KCTD8: variants seen among roughly 807,000 people sequenced by gnomAD.
KCTD8 encodes potassium channel tetramerization domain containing 8, also known as BTB/POZ domain-containing protein KCTD8.
Under a neutral mutation model 31.5 loss-of-function variants are expected in KCTD8, and 27 were observed. That is an observed-to-expected ratio of 0.86 (90% CI 0.63 to 1.18). The LOEUF (loss-of-function observed/expected upper bound fraction) is 1.18. Ranked by LOEUF, KCTD8 falls within the 50% of genes most tolerant of loss-of-function variation. The pLI is 0.00. For missense variants in KCTD8, 658 were observed against 647.7 expected (o/e 1.02, Z -0.17); for synonymous variants, 290 against 280.0 (o/e 1.04, Z -0.36).
chr4:44,377,463 T>TG (rs1294219672), intron 1 of KCTD8, among the ~76,000 whole-genome samples: 1 of 152,134 alleles, frequency 6.6e-6, no homozygotes, highest in African/African-American at 2.4e-5. Flanking sequence ...AGGCCATTTC[T>TG]GGGGGGTAGA....
At chr4:44,295,452 A>G (rs1472005184) in intron 1 of KCTD8, among the ~76,000 whole-genome samples, 1 of 152,134 alleles carries the variant, frequency 6.6e-6, no homozygotes, top group African/African-American at 2.4e-5. Context: ...AGGCTCTTTT[A>G]TCTTGTCCTT....
intron 1 of KCTD8, among the ~76,000 whole-genome samples, chr4:44,211,225 T>C (rs537502935): frequency 1.3e-5 from 2 of 152,326 alleles, no homozygotes; most frequent in South Asian, 4.1e-4. Context: ...CACCAACAAG[T>C]GTAAGAACTA....
intron 1 of KCTD8, among the ~76,000 whole-genome samples, chr4:44,183,501 A>G (rs1713489110): frequency 6.6e-6 from 1 of 152,204 alleles, no homozygotes; most frequent in Non-Finnish European, 1.5e-5. Context: ...AAACTCAGCA[A>G]AACAGGGCTT....
chr4:44,423,130 T>C (rs1180724665), intron 1 of KCTD8, among the ~76,000 whole-genome samples: 1 of 152,100 alleles, frequency 6.6e-6, no homozygotes, highest in Non-Finnish European at 1.5e-5. Flanking sequence ...GAGAATGTGC[T>C]ACTAGCATCT....
Position 44,448,647 on chromosome 4 carries a change from G to A in KCTD8, c.-124C>T. The A allele has an allele frequency of 9.3e-7, 1 of 1,080,222 alleles. No individual in the cohort carries two copies. Among genetic ancestry groups the A allele is most frequent in the Non-Finnish European group, 1.2e-6 (1 of 842,234 alleles). The allele number at this position is 1,080,222 out of a possible 1,614,324, so 66.9% of individuals were successfully genotyped here. On this transcript the variant is annotated 5_prime_UTR_variant, in exon 1 of 2. Coordinates refer to ENST00000360029, the MANE Select transcript of KCTD8 (RefSeq NM_198353.3). The surrounding 1 kb of genome is among the most constrained non-coding windows in gnomAD (Gnocchi z 4.1). ...CTCGGACTGGGCGGCGCGTTCCTCC[G>A]ACCGGGGCGGCCCCGCTCAGGGTTC...
At chr4:44,273,439 T>C (rs1346074362) in intron 1 of KCTD8, among the ~76,000 whole-genome samples, 1 of 151,908 alleles carries the variant, frequency 6.6e-6, no homozygotes, top group East Asian at 1.9e-4. Flanking sequence ...TCATAAAACC[T>C]TAATGAATTT....
At position 44,275,966 on chromosome 4, in the gene KCTD8, A is replaced by C. The variant is rs191295120; in HGVS notation, c.962-100716T>G. Among the ~76,000 whole-genome samples the C allele has an allele frequency of 2.4e-4, 36 of 152,162 alleles. 1 individual carries two copies. Among genetic ancestry groups the C allele is most frequent in the Admixed American group, 2.4e-3 (36 of 15,254 alleles). ...CAAATATTTAGTAAAGGTCTGTATT[A>C]AAATATAACTGAACTTGATTAAAAT... On this transcript the variant is annotated intron_variant, in intron 1 of 1. Transcript: ENST00000360029.
chr4:44,432,962 T>G (rs1379194231), intron 1 of KCTD8, among the ~76,000 whole-genome samples: 2 of 151,658 alleles, frequency 1.3e-5, no homozygotes, highest in African/African-American at 4.8e-5. Flanking sequence ...ACTTCTAATG[T>G]CTGACTGGCC....
At chr4:44,347,468 T>G (rs948571236) in intron 1 of KCTD8, among the ~76,000 whole-genome samples, 1 of 152,188 alleles carries the variant, frequency 6.6e-6, no homozygotes, top group African/African-American at 2.4e-5. Context: ...AGTGGGGACT[T>G]TCCAACCACC....
chr4:44,257,800 T>C (rs931459146), intron 1 of KCTD8, among the ~76,000 whole-genome samples: 2 of 152,122 alleles, frequency 1.3e-5, no homozygotes, highest in East Asian at 1.9e-4. Flanking sequence ...ATAAGGCCCC[T>C]GCCTTTCCTC....
At chr4:44,181,411 G>A (rs1713390384) in intron 1 of KCTD8, among the ~76,000 whole-genome samples, 1 of 152,178 alleles carries the variant, frequency 6.6e-6, no homozygotes, top group Non-Finnish European at 1.5e-5. Flanking sequence ...ACGCCTGACT[G>A]GTTTTCGTAT....
intron 1 of KCTD8, among the ~76,000 whole-genome samples, chr4:44,311,773 C>T (rs890419706): frequency 3.3e-5 from 5 of 151,422 alleles, no homozygotes; most frequent in African/African-American, 1.2e-4. Flanking sequence ...CTCTCAACTC[C>T]GTGGCTTGAT....
intron 1 of KCTD8, among the ~76,000 whole-genome samples, chr4:44,188,584 A>T (rs1478577327): frequency 1.3e-5 from 2 of 152,210 alleles, no homozygotes; most frequent in Admixed American, 1.3e-4. Flanking sequence ...GGAACCTGTA[A>T]ATGTCACTTT....
intron 1 of KCTD8, among the ~76,000 whole-genome samples, chr4:44,334,367 G>C (rs955225026): frequency 6.6e-6 from 1 of 151,908 alleles, no homozygotes; most frequent in Admixed American, 6.6e-5. Context: ...GATACATCAT[G>C]ATGAAGGAAG....
At chr4:44,331,641 T>C (rs1577620144) in intron 1 of KCTD8, among the ~76,000 whole-genome samples, 1 of 150,910 alleles carries the variant, frequency 6.6e-6, no homozygotes, top group Non-Finnish European at 1.5e-5. Flanking sequence ...AAGATGATAG[T>C]AATTTATAAA....
At chr4:44,244,249 G>C (rs1277175550) in intron 1 of KCTD8, among the ~76,000 whole-genome samples, 1 of 151,594 alleles carries the variant, frequency 6.6e-6, no homozygotes, top group Non-Finnish European at 1.5e-5. Context: ...CTTTTTCTTA[G>C]GCTTCATCTC....
chr4:44,213,096 C>T lies in KCTD8; in HGVS notation c.962-37846G>A, dbSNP rs192826927. ...GGGTCTACAGGCGCCCGCCACCATGCCCGCTAATTTTTTGTATTTTTTAGT... is the reference window on the plus strand; with the variant it reads ...GGGTCTACAGGCGCCCGCCACCATGTCCGCTAATTTTTTGTATTTTTTAGT... On this transcript the variant is annotated intron_variant, in intron 1 of 1. Transcript: ENST00000360029. Among the ~76,000 whole-genome samples the T allele has an allele frequency of 7.0e-3, 1,062 of 152,150 alleles. 18 individuals carry two copies. The highest frequency in any genetic ancestry group is 0.024 in the African/African-American group (997 of 41,512).
intron 1 of KCTD8, among the ~76,000 whole-genome samples, chr4:44,299,468 C>A (rs1052894309): frequency 6.6e-6 from 1 of 152,132 alleles, no homozygotes. Context: ...CGGTGGCTCA[C>A]GCCTGTAATC....
chr4:44,381,336 C>T (rs1720057333), intron 1 of KCTD8, among the ~76,000 whole-genome samples: 1 of 151,808 alleles, frequency 6.6e-6, no homozygotes, highest in South Asian at 2.1e-4. Context: ...AAAAGTCACT[C>T]GTATATCTAC....
Sources: gnomAD v4.1 joint callset for allele counts (sites outside exome capture counted in the v4.1 genomes callset) on GRCh38, gnomAD v4.1.1 for gene constraint, Gnocchi (gnomAD v3.1) non-coding constraint, MANE v1.5 for transcripts, NCBI Gene and HGNC (gene_info 2026-07-23, HGNC 2026-07-21) for gene names.